Variants in NDRG3 observed in about 807,000 individuals in gnomAD.
The protein encoded by NDRG3 is NDRG family member 3.
A neutral mutation model predicts 57.2 loss-of-function variants in NDRG3; 23 were observed. The observed-to-expected ratio is 0.40, with a 90% confidence interval of 0.29 to 0.57. The LOEUF (loss-of-function observed/expected upper bound fraction) is 0.57. NDRG3 is among the 20% of genes least tolerant of loss of function. The pLI, the probability that NDRG3 is intolerant of heterozygous loss-of-function variation, is 0.42. For missense variants in NDRG3, 384 were observed against 457.3 expected (o/e 0.84, Z 1.46); for synonymous variants, 132 against 162.6 (o/e 0.81, Z 1.43).
At chr20:36,674,174 T>A (rs552812579) in intron 8 of NDRG3, among the ~76,000 whole-genome samples, 1 of 152,316 alleles carries the variant, frequency 6.6e-6, no homozygotes, top group African/African-American at 2.4e-5. Flanking sequence ...TTACCTTTTT[T>A]AAAAATTTAT....
At chr20:36,666,473 C>A in intron 9 of NDRG3, 81 bp from the exon 10 acceptor site, 1 of 1,038,772 alleles carries the variant, frequency 9.6e-7, no homozygotes. Flanking sequence ...TTTTCATTAC[C>A]ACAAGCCAAA....
At chr20:36,654,099 G>A (rs1043701903) in intron 15 of NDRG3, among the ~76,000 whole-genome samples, 6 of 152,196 alleles carry the variant, frequency 3.9e-5, no homozygotes, top group Non-Finnish European at 8.8e-5. Context: ...GTATGAAGGT[G>A]TTTCACAAAC....
intron 8 of NDRG3, among the ~76,000 whole-genome samples, chr20:36,679,700 C>T (rs374265915): frequency 2.0e-5 from 3 of 150,232 alleles, no homozygotes; most frequent in East Asian, 2.0e-4. Flanking sequence ...GACGGAGTTT[C>T]GCCATGTTGG....
intron 13 of NDRG3, among the ~76,000 whole-genome samples, chr20:36,658,158 T>G (rs1978842229): frequency 6.6e-6 from 1 of 152,152 alleles, no homozygotes; most frequent in Non-Finnish European, 1.5e-5. Flanking sequence ...TGAGATAAAG[T>G]CTCACTCTCG....
At chr20:36,679,023 T>C (rs1008472117) in intron 8 of NDRG3, among the ~76,000 whole-genome samples, 5 of 152,244 alleles carry the variant, frequency 3.3e-5, no homozygotes, top group Non-Finnish European at 5.9e-5. Context: ...CGATCTTGGC[T>C]CACCGCAACC....
chr20:36,734,413 C>T (rs929807810), intron 1 of NDRG3, among the ~76,000 whole-genome samples: 3 of 152,168 alleles, frequency 2.0e-5, no homozygotes, highest in Admixed American at 1.3e-4. Flanking sequence ...ACACCCACTC[C>T]GCACTGAACA....
chr20:36,720,536 C>T (rs937554631), intron 2 of NDRG3, among the ~76,000 whole-genome samples: 5 of 152,128 alleles, frequency 3.3e-5, no homozygotes, highest in Non-Finnish European at 5.9e-5. Flanking sequence ...GTGGTCTCAT[C>T]TGCTCCTTGT....
At chr20:36,714,612 TTTTG>T (rs150490916) in intron 2 of NDRG3, among the ~76,000 whole-genome samples, 1,904 of 150,276 alleles carry the variant, frequency 0.013, 44 homozygotes, top group African/African-American at 0.045. Context: ...TTTTGTTTTT[TTTTG>T]TTTGTTTGTT....
intron 13 of NDRG3, among the ~76,000 whole-genome samples, chr20:36,657,736 C>A (rs1273110738): frequency 1.3e-5 from 2 of 152,122 alleles, no homozygotes; most frequent in African/African-American, 2.4e-5. Context: ...GAGGAGAATG[C>A]CACAGAAGAC....
In NDRG3 at chr20:36,691,724, A is replaced by G. The variant is rs560145115; in HGVS notation, c.94-2940T>C. Among the ~76,000 whole-genome samples, 3 of 152,322 alleles carry G rather than the reference A, an allele frequency of 2.0e-5. No homozygotes were observed. In the East Asian group the frequency reaches 5.8e-4, roughly 29 times the overall value. ...GAGTGAGACTCTGTCTCAAAAAAAT[A>G]TAACAAATAAAGCATAAGGTTTGGA... is the stretch of plus-strand genomic sequence containing the variant. On this transcript the variant is annotated intron_variant, in intron 3 of 15. Coordinates refer to ENST00000349004, the MANE Select transcript of NDRG3 (RefSeq NM_032013.4).
intron 3 of NDRG3, among the ~76,000 whole-genome samples, chr20:36,691,377 T>C (rs1405891535): frequency 6.6e-6 from 1 of 152,168 alleles, no homozygotes; most frequent in African/African-American, 2.4e-5. Flanking sequence ...AAAATGAACA[T>C]AAGAAATGAA....
chr20:36,739,164 A>AAC, intron 1 of NDRG3, among the ~76,000 whole-genome samples: 1 of 142,700 alleles, frequency 7.0e-6, no homozygotes, highest in African/African-American at 2.7e-5. Context: ...AAAAAAAAAA[A>AAC]AAGGCCAGGC....
At chr20:36,656,641 T>C (rs1978700962) in intron 13 of NDRG3, 109 bp from the exon 14 acceptor site, 8 of 1,212,464 alleles carry the variant, frequency 6.6e-6, no homozygotes, top group Non-Finnish European at 9.6e-6. Flanking sequence ...GGTTTTAATG[T>C]TTAACTGCAA....
At position 36,730,222 on chromosome 20, in the gene NDRG3, G is replaced by A. The variant is rs143131716; in HGVS notation, c.-48-8439C>T. Among the ~76,000 whole-genome samples, 183 of 150,632 alleles carry A rather than the reference G, an allele frequency of 1.2e-3. 4 individuals carry two copies. The East Asian group carries it at 0.034, about 28-fold the overall frequency. On this transcript the variant is annotated intron_variant, in intron 1 of 15. Transcript: ENST00000349004. The stretch of plus-strand genomic sequence containing the variant: ...AGATTGTGCCACTGCACTCCAGCCC[G>A]GGCGACAGAGCGAGACTCTGTCTCC...
At chr20:36,693,141 T>TATATATATACAC (rs1323122806) in intron 3 of NDRG3, among the ~76,000 whole-genome samples, 4 of 34,618 alleles carry the variant, frequency 1.2e-4, no homozygotes, top group Non-Finnish European at 1.1e-4. Context: ...TATATATATA[T>TATATATATACAC]ACACACACAC....
intron 2 of NDRG3, among the ~76,000 whole-genome samples, chr20:36,709,450 G>C (rs1243913366): frequency 6.6e-6 from 1 of 152,146 alleles, no homozygotes; most frequent in Non-Finnish European, 1.5e-5. Flanking sequence ...GCAAGAGAAT[G>C]GTAGAGACAG....
rs919872126 is a variant in NDRG3, at chr20:36,652,067, C to T, written c.*1453G>A. ...AAACAACTTTACCTGGACAGGGCTA[C>T]CCCTACAGATTGGCCCTTTCTCTCC... On this transcript the variant is annotated 3_prime_UTR_variant, in exon 16 of 16. Coordinates refer to ENST00000349004, the MANE Select transcript of NDRG3 (RefSeq NM_032013.4). 6.6e-6 allele frequency: 1 copy of T among 152,214 alleles called. No individual in the cohort carries two copies. Among genetic ancestry groups the T allele is most frequent in the East Asian group, 1.9e-4 (1 of 5,200 alleles). The allele number at this position is 152,214 out of a possible 1,614,324, so 9.4% of individuals were successfully genotyped here.
At chr20:36,669,960 T>G (rs1980004906) in intron 9 of NDRG3, among the ~76,000 whole-genome samples, 1 of 152,158 alleles carries the variant, frequency 6.6e-6, no homozygotes, top group South Asian at 2.1e-4. Flanking sequence ...AAGAATGAAC[T>G]ACTGACACAT....
chr20:36,683,704 A>C (rs555964386), intron 6 of NDRG3, among the ~76,000 whole-genome samples: 78 of 151,220 alleles, frequency 5.2e-4, no homozygotes, highest in African/African-American at 1.8e-3. Context: ...ACACACACAC[A>C]CACACACACA....
Sources: allele counts gnomAD v4.1 joint callset (sites outside exome capture counted in the v4.1 genomes callset), GRCh38; gene constraint gnomAD v4.1.1; transcripts MANE v1.5; gene names NCBI Gene and HGNC (gene_info 2026-07-23, HGNC 2026-07-21).